FRMPD4: variants seen among roughly 807,000 people sequenced by gnomAD.
FRMPD4 encodes the protein FERM and PDZ domain-containing protein 4.
FRMPD4 carries 22 observed loss-of-function variants against 94.1 expected under a neutral mutation model. The ratio of observed to expected loss-of-function variants is 0.23; its 90% confidence interval spans 0.17 to 0.33. The LOEUF (loss-of-function observed/expected upper bound fraction) is 0.33, where lower values mean the gene tolerates loss of function less well. FRMPD4 is among the 10% of genes least tolerant of loss of function. The pLI, the probability that FRMPD4 is intolerant of heterozygous loss-of-function variation, is 1.00. For missense variants in FRMPD4, 1,111 were observed against 1,339.9 expected (o/e 0.83, Z 2.67); for synonymous variants, 631 against 548.6 (o/e 1.15, Z -2.10).
At chrX:12,410,634 G>A (rs961179817) in intron 1 of FRMPD4, among the ~76,000 whole-genome samples, 1 of 111,535 alleles carries the variant, frequency 9.0e-6, no homozygotes, top group African/African-American at 3.3e-5. Flanking sequence ...CCTCTAAAAT[G>A]CTCTTACTTT....
intron 3 of FRMPD4, among the ~76,000 whole-genome samples, chrX:11,973,123 G>A (rs778908590): frequency 2.7e-5 from 3 of 112,383 alleles, no homozygotes; most frequent in Non-Finnish European, 5.6e-5. Flanking sequence ...CCCAGTAACC[G>A]CCACTTCAGT....
chrX:12,580,015 G>A (rs2058849004), intron 2 of FRMPD4, among the ~76,000 whole-genome samples: 1 of 112,185 alleles, frequency 8.9e-6, no homozygotes, highest in Non-Finnish European at 1.9e-5. Context: ...GTTCCTACCA[G>A]ACTGATCTTG....
intron 1 of FRMPD4, among the ~76,000 whole-genome samples, chrX:11,837,521 G>A (rs183964325): frequency 3.6e-3 from 397 of 111,476 alleles, no homozygotes; most frequent in African/African-American, 0.012. Context: ...GCAAAAATAC[G>A]TAATAGTGGA....
At chrX:12,148,543 G>A (rs751448733) in intron 1 of FRMPD4, among the ~76,000 whole-genome samples, 2 of 111,940 alleles carry the variant, frequency 1.8e-5, no homozygotes, top group African/African-American at 6.4e-5. Context: ...AGGTAAAGCG[G>A]CAAGTGCTAA....
chrX:12,239,499 A>C (rs1053189481), intron 1 of FRMPD4, among the ~76,000 whole-genome samples: 1 of 112,341 alleles, frequency 8.9e-6, no homozygotes, highest in Non-Finnish European at 1.9e-5. Context: ...GTTGAGACTT[A>C]ACACAGTAAA....
chrX:12,065,000 T>C (rs889959849), intron 3 of FRMPD4, among the ~76,000 whole-genome samples: 1 of 112,178 alleles, frequency 8.9e-6, no homozygotes, highest in African/African-American at 3.2e-5. Context: ...ATATTAATAA[T>C]ATCCATTTAC....
intron 1 of FRMPD4, among the ~76,000 whole-genome samples, chrX:12,242,525 G>A (rs1209888328): frequency 8.9e-6 from 1 of 112,164 alleles, no homozygotes; most frequent in Non-Finnish European, 1.9e-5. Context: ...AAAGCATTTA[G>A]AACAAAAATT....
chrX:12,580,478 A>G (rs2058853456), intron 2 of FRMPD4, among the ~76,000 whole-genome samples: 1 of 112,248 alleles, frequency 8.9e-6, no homozygotes, highest in Admixed American at 9.4e-5. Flanking sequence ...AGTTTAATTT[A>G]TAAATTAGGC....
intron 4 of FRMPD4, among the ~76,000 whole-genome samples, chrX:12,621,358 G>A (rs1222303122): frequency 9.0e-6 from 1 of 110,811 alleles, no homozygotes; most frequent in Non-Finnish European, 1.9e-5. Flanking sequence ...ACCACAAAAG[G>A]AAACTATTAA....
chrX:12,075,997 TTTG>T (rs768713016), intron 3 of FRMPD4, among the ~76,000 whole-genome samples: 3 of 112,047 alleles, frequency 2.7e-5, no homozygotes, highest in East Asian at 2.8e-4. Flanking sequence ...CTGCCTTTGT[TTTG>T]TTGTTGTTGT....
Position 12,716,462 on chromosome X carries a change from C to A in FRMPD4, c.2003C>A (p.Thr668Asn), listed in dbSNP as rs376545795. 21 of 1,207,810 alleles carry A rather than the reference C, an allele frequency of 1.7e-5. No individual in the cohort carries two copies. The highest frequency in any genetic ancestry group is 1.5e-4 in the East Asian group (5 of 33,717). ...FALDDGISPP[T>N]LGYETLLDEG... Reference sequence around the variant, plus strand: ...TTGGATGATGGTATTAGTCCCCCAACCCTTGGCTATGAAACGCTACTAGAT... The same window carrying A: ...TTGGATGATGGTATTAGTCCCCCAAACCTTGGCTATGAAACGCTACTAGAT... Residue 668 changes from threonine to asparagine, a missense_variant, in exon 15 of 17, where the codon ACC (threonine) becomes AAC (asparagine). Physicochemically the swap from Thr to Asn is moderately conservative, Grantham distance 65. Transcript: ENST00000675598.
chrX:12,425,669 G>C (rs1468633156), intron 1 of FRMPD4, among the ~76,000 whole-genome samples: 1 of 111,684 alleles, frequency 9.0e-6, no homozygotes, highest in Non-Finnish European at 1.9e-5. Context: ...GTTGAGGCCA[G>C]AGATGTTGCT....
At chrX:11,998,278 G>A (rs148264102) in intron 3 of FRMPD4, among the ~76,000 whole-genome samples, 2,855 of 111,612 alleles carry the variant, frequency 0.026, 43 homozygotes, top group Non-Finnish European at 0.039. Context: ...CTGAGGGTTG[G>A]ACATGTGGCT....
intron 1 of FRMPD4, among the ~76,000 whole-genome samples, chrX:12,353,433 T>C (rs1184808060): frequency 8.9e-6 from 1 of 111,996 alleles, no homozygotes; most frequent in African/African-American, 3.2e-5. Context: ...GACTTCTGCC[T>C]TGTGGAAGGC....
chrX:12,345,680 G>A (rs1482854645), intron 1 of FRMPD4, among the ~76,000 whole-genome samples: 1 of 112,086 alleles, frequency 8.9e-6, no homozygotes, highest in Non-Finnish European at 1.9e-5. Context: ...TGGGAGGGAT[G>A]GTAGCAAATC....
chrX:12,095,772 TA>T (rs1420785319), intron 3 of FRMPD4, among the ~76,000 whole-genome samples: 1 of 112,425 alleles, frequency 8.9e-6, no homozygotes, highest in Non-Finnish European at 1.9e-5. Flanking sequence ...TTTCTTCCTC[TA>T]GAACAGCAAA....
In FRMPD4 at chrX:12,238,919, G is replaced by A. The variant is rs189662782; in HGVS notation, c.41+99907G>A. ...CTTAATTACAGTGTCTGTTTGAAGCGTTCTTTAGATAGTGGAATAATCATG... is the reference window on the plus strand; with the variant it reads ...CTTAATTACAGTGTCTGTTTGAAGCATTCTTTAGATAGTGGAATAATCATG... On this transcript the variant is annotated intron_variant, in intron 1 of 16. Coordinates refer to ENST00000675598, the MANE Select transcript of FRMPD4 (RefSeq NM_001368397.1). 2.2e-3 allele frequency among the ~76,000 whole-genome samples: 245 copies of A among 111,972 alleles called. 1 individual carries two copies. The highest frequency in any genetic ancestry group is 4.0e-3 in the Non-Finnish European group (214 of 53,166).
intron 2 of FRMPD4, among the ~76,000 whole-genome samples, chrX:12,521,909 T>TAA (rs59419702): frequency 0.072 from 7,253 of 101,380 alleles, 333 homozygotes; most frequent in African/African-American, 0.16. Flanking sequence ...TGAAGAAAGA[T>TAA]AAAAAAAAAA....
chrX:11,847,951 G>A (rs1427092600), intron 1 of FRMPD4, among the ~76,000 whole-genome samples: 1 of 103,069 alleles, frequency 9.7e-6, no homozygotes, highest in African/African-American at 3.6e-5. Flanking sequence ...GTTAATGGGT[G>A]CAGCACACCA....
Sources: gnomAD v4.1 joint callset for allele counts (sites outside exome capture counted in the v4.1 genomes callset) on GRCh38, gnomAD v4.1.1 for gene constraint, MANE v1.5 for transcripts, NCBI Gene and HGNC (gene_info 2026-07-23, HGNC 2026-07-21) for gene names.